SLC25A21: variants seen among roughly 807,000 people sequenced by gnomAD.
SLC25A21 encodes the protein mitochondrial 2-oxodicarboxylate carrier.
SLC25A21 carries 47 observed loss-of-function variants against 43.8 expected under a neutral mutation model. The ratio of observed to expected loss-of-function variants is 1.07; its 90% CI spans 0.85 to 1.37. The LOEUF is 1.37. Among genes scored for constraint, SLC25A21 ranks in the 40% most tolerant of loss-of-function variants. The pLI, the probability that SLC25A21 is intolerant of heterozygous loss-of-function variation, is 0.00. For missense variants in SLC25A21, 352 were observed against 350.2 expected (o/e 1.00, Z -0.04); for synonymous variants, 131 against 121.3 (o/e 1.08, Z -0.52).
chr14:37,138,075 T>C (rs1963512755), intron 1 of SLC25A21, among the ~76,000 whole-genome samples: 1 of 152,154 alleles, frequency 6.6e-6, no homozygotes. Context: ...TTCCACTTGC[T>C]TCTCTCCTGA....
intron 1 of SLC25A21, among the ~76,000 whole-genome samples, chr14:36,935,656 G>C (rs980373766): frequency 6.7e-6 from 1 of 149,376 alleles, no homozygotes; most frequent in African/African-American, 2.5e-5. Flanking sequence ...AGGCTACAGC[G>C]TACTGAAGCA....
intron 1 of SLC25A21, among the ~76,000 whole-genome samples, chr14:37,068,865 G>A (rs1962114392): frequency 6.6e-6 from 1 of 152,034 alleles, no homozygotes; most frequent in Non-Finnish European, 1.5e-5. Context: ...GCTAAAAAAA[G>A]CAATTTTTCT....
intron 3 of SLC25A21, among the ~76,000 whole-genome samples, chr14:36,773,788 C>T (rs1886715140): frequency 6.6e-6 from 1 of 152,312 alleles, no homozygotes; most frequent in South Asian, 2.1e-4. Context: ...ATAACTTACC[C>T]AGCCAGGTCT....
intron 7 of SLC25A21, among the ~76,000 whole-genome samples, chr14:36,690,927 T>C (rs1882770084): frequency 6.6e-6 from 1 of 152,178 alleles, no homozygotes; most frequent in Non-Finnish European, 1.5e-5. Flanking sequence ...TCATTTTGCC[T>C]TTTTCCATTA....
intron 3 of SLC25A21, among the ~76,000 whole-genome samples, chr14:36,796,428 T>A (rs528765558): frequency 1.5e-4 from 23 of 152,064 alleles, no homozygotes; most frequent in South Asian, 4.2e-4. Context: ...TCTTTTTTTT[T>A]AAAAAGTACC....
chr14:36,877,357 T>A (rs1412822594), intron 1 of SLC25A21, among the ~76,000 whole-genome samples: 2 of 152,242 alleles, frequency 1.3e-5, no homozygotes, highest in African/African-American at 4.8e-5. Flanking sequence ...TTGTTTCAGT[T>A]TTCTATGTGC....
intron 1 of SLC25A21, among the ~76,000 whole-genome samples, chr14:37,032,789 T>A (rs925208025): frequency 6.6e-6 from 1 of 152,076 alleles, no homozygotes; most frequent in Non-Finnish European, 1.5e-5. Flanking sequence ...GAGTTTACTA[T>A]ACTATTCAGG....
intron 1 of SLC25A21, among the ~76,000 whole-genome samples, chr14:36,975,905 C>T (rs149192101): frequency 3.9e-4 from 59 of 152,302 alleles, no homozygotes; most frequent in Middle Eastern, 3.4e-3. Context: ...TAAAAATGAG[C>T]ATTGCAGAGA....
chr14:36,798,837 AAGG>A (rs1369568514), intron 3 of SLC25A21, among the ~76,000 whole-genome samples: 1 of 152,128 alleles, frequency 6.6e-6, no homozygotes, highest in Non-Finnish European at 1.5e-5. Context: ...AGCATTACAA[AAGG>A]AGGTGTTCAT....
At chr14:36,952,925 T>C (rs771796782) in intron 1 of SLC25A21, among the ~76,000 whole-genome samples, 39 of 152,222 alleles carry the variant, frequency 2.6e-4, no homozygotes, top group Non-Finnish European at 4.1e-4. Flanking sequence ...ACAGAGCATT[T>C]AGATCTGGTT....
chr14:37,108,988 GCTCA>G (rs1270634557), intron 1 of SLC25A21, among the ~76,000 whole-genome samples: 1 of 151,846 alleles, frequency 6.6e-6, no homozygotes, highest in Non-Finnish European at 1.5e-5. Context: ...TAATTTATCA[GCTCA>G]CTAAGTGTAC....
intron 5 of SLC25A21, among the ~76,000 whole-genome samples, chr14:36,728,646 A>G (rs1334783707): frequency 6.6e-6 from 1 of 152,222 alleles, no homozygotes; most frequent in Admixed American, 6.5e-5. Flanking sequence ...GAAAAGGGGC[A>G]TGTATGATTT....
chr14:36,792,644 T>G (rs1887531023), intron 3 of SLC25A21, among the ~76,000 whole-genome samples: 1 of 152,174 alleles, frequency 6.6e-6, no homozygotes, highest in African/African-American at 2.4e-5. Flanking sequence ...ATTGCACACA[T>G]TAAGTGGATA....
chr14:36,852,565 A>G (rs1889774313), intron 2 of SLC25A21, among the ~76,000 whole-genome samples: 1 of 152,218 alleles, frequency 6.6e-6, no homozygotes, highest in Non-Finnish European at 1.5e-5. Flanking sequence ...AGTAATATAT[A>G]GTGTGAAATA....
intron 1 of SLC25A21, among the ~76,000 whole-genome samples, chr14:37,161,256 G>A (rs1165754278): frequency 1.3e-5 from 2 of 152,138 alleles, no homozygotes; most frequent in African/African-American, 4.8e-5. Context: ...ACTGATCAGT[G>A]ACGTGAAATT....
intron 5 of SLC25A21, among the ~76,000 whole-genome samples, chr14:36,727,516 C>A (rs890536851): frequency 6.6e-6 from 1 of 152,068 alleles, no homozygotes; most frequent in Non-Finnish European, 1.5e-5. Context: ...GGTGAAACCC[C>A]ATCTCTACTA....
intron 1 of SLC25A21, among the ~76,000 whole-genome samples, chr14:37,162,335 T>C (rs1431282999): frequency 6.6e-6 from 1 of 152,208 alleles, no homozygotes; most frequent in African/African-American, 2.4e-5. Context: ...ATGAAGTCCT[T>C]GCCCATGCCT....
chr14:37,109,670 T>A (rs1036804908), intron 1 of SLC25A21, among the ~76,000 whole-genome samples: 1 of 152,346 alleles, frequency 6.6e-6, no homozygotes, highest in East Asian at 1.9e-4. Context: ...TCTAATTAAC[T>A]GCCCATGCAC....
At chr14:36,936,028 T>G (rs1892414796) in intron 1 of SLC25A21, among the ~76,000 whole-genome samples, 1 of 152,168 alleles carries the variant, frequency 6.6e-6, no homozygotes. Context: ...CACATTTCCT[T>G]TAATTACTGG....
Sources: gnomAD v4.1 joint callset for allele counts (sites outside exome capture counted in the v4.1 genomes callset) on GRCh38, gnomAD v4.1.1 for gene constraint, MANE v1.5 for transcripts, NCBI Gene and HGNC (gene_info 2026-07-23, HGNC 2026-07-21) for gene names.